CPS1: variants seen among roughly 807,000 people sequenced by gnomAD.
The protein encoded by CPS1 is carbamoyl-phosphate synthase [ammonia], mitochondrial.
CPS1 carries 109 observed loss-of-function variants against 174.6 expected under a neutral mutation model. That is an observed-to-expected ratio of 0.62 (90% CI 0.53 to 0.73). The LOEUF (loss-of-function observed/expected upper bound fraction) is 0.73. CPS1 is among the 30% of genes least tolerant of loss of function. The pLI, the probability that CPS1 is intolerant of heterozygous loss-of-function variation, is 0.00. For missense variants in CPS1, 1,689 were observed against 1,821.9 expected, an observed-to-expected ratio of 0.93 and a Z score of 1.33; for synonymous variants, 637 against 632.0, an observed-to-expected ratio of 1.01 and a Z score of -0.12.
intron 1 of CPS1, among the ~76,000 whole-genome samples, chr2:210,522,179 T>G (rs1695844593): frequency 6.6e-6 from 1 of 152,010 alleles, no homozygotes; most frequent in African/African-American, 2.4e-5. Context: ...GGAGACCATC[T>G]GCAGATCACC....
intron 29 of CPS1, among the ~76,000 whole-genome samples, chr2:210,654,960 A>G (rs550610292): frequency 6.6e-6 from 1 of 152,088 alleles, no homozygotes; most frequent in East Asian, 1.9e-4. Flanking sequence ...CCAGCCCTCC[A>G]CCCTCCAAGT....
At chr2:210,511,374 G>A (rs1432579323) in intron 1 of CPS1, among the ~76,000 whole-genome samples, 1 of 151,982 alleles carries the variant, frequency 6.6e-6, no homozygotes, top group Non-Finnish European at 1.5e-5. Context: ...CACACTTGGG[G>A]CCTGTTGTGG....
intron 1 of CPS1, among the ~76,000 whole-genome samples, chr2:210,508,114 C>A (rs1402247776): frequency 6.6e-6 from 1 of 150,530 alleles, no homozygotes; most frequent in Non-Finnish European, 1.5e-5. Context: ...CCAAAATTGA[C>A]CACATAGTTG....
At chr2:210,511,255 A>G (rs983965514) in intron 1 of CPS1, among the ~76,000 whole-genome samples, 1 of 152,166 alleles carries the variant, frequency 6.6e-6, no homozygotes, top group Non-Finnish European at 1.5e-5. Flanking sequence ...GCTGGAAACC[A>G]TCATTCTCAG....
chr2:210,485,670 C>T (rs1484844486), intron 1 of CPS1, among the ~76,000 whole-genome samples: 4 of 152,014 alleles, frequency 2.6e-5, no homozygotes, highest in Admixed American at 2.6e-4. Context: ...ATGTATTTCT[C>T]CATTCATCTG....
intron 18 of CPS1, among the ~76,000 whole-genome samples, 172 bp downstream of exon 18, chr2:210,607,113 C>T (rs1698942082): frequency 6.6e-6 from 1 of 151,842 alleles, no homozygotes; most frequent in East Asian, 1.9e-4. Context: ...GAGCTTGTTG[C>T]CAGATTGAGG....
intron 6 of CPS1, among the ~76,000 whole-genome samples, chr2:210,584,083 T>G (rs1430899144): frequency 2.6e-5 from 4 of 152,108 alleles, no homozygotes; most frequent in African/African-American, 9.7e-5. Context: ...GCTATGAAAT[T>G]TTTTTAAAGA....
At chr2:210,494,947 T>C (rs1426304604) in intron 1 of CPS1, among the ~76,000 whole-genome samples, 2 of 152,204 alleles carry the variant, frequency 1.3e-5, no homozygotes, top group Admixed American at 1.3e-4. Context: ...CTGCACATTA[T>C]AATAACCTAG....
At chr2:210,608,300 T>G in intron 18 of CPS1, 61 bp from the exon 19 acceptor site, 2 of 1,476,198 alleles carry the variant, frequency 1.4e-6, no homozygotes, top group Non-Finnish European at 1.9e-6. Flanking sequence ...CCAATTTATG[T>G]TTTGGTCTGT....
intron 25 of CPS1, among the ~76,000 whole-genome samples, chr2:210,646,969 G>A (rs149195254): frequency 1.6e-3 from 246 of 152,132 alleles, no homozygotes; most frequent in African/African-American, 5.7e-3. Context: ...ACTGCTAATA[G>A]GAGATTTGGA....
chr2:210,599,342 T>A, intron 13 of CPS1, 30 bp from the exon 14 acceptor site: 1 of 1,600,562 alleles, frequency 6.2e-7, no homozygotes, highest in East Asian at 2.2e-5. Context: ...GACCATATAT[T>A]CATGTACTGG....
intron 6 of CPS1, among the ~76,000 whole-genome samples, chr2:210,584,815 A>G (rs933044425): frequency 6.6e-6 from 1 of 151,986 alleles, no homozygotes; most frequent in South Asian, 2.1e-4. Flanking sequence ...AAAAAGCTCA[A>G]TTTCTAGATT....
upstream of CPS1, chr2:210,555,631 T>G (rs927304722): frequency 2.2e-6 from 1 of 455,566 alleles, no homozygotes; most frequent in African/African-American, 2.0e-5. Flanking sequence ...TTCTGTCATC[T>G]TTTCTGTTAT....
At chr2:210,630,594 A>G (rs1160999945) in intron 21 of CPS1, among the ~76,000 whole-genome samples, 2 of 152,214 alleles carry the variant, frequency 1.3e-5, no homozygotes, top group African/African-American at 4.8e-5. Flanking sequence ...CAAGAAATAT[A>G]AAGATTCAAG....
chr2:210,672,808 T>G (rs1041869796), intron 34 of CPS1: 8 of 152,320 alleles, frequency 5.3e-5, no homozygotes, highest in Middle Eastern at 3.4e-3. Flanking sequence ...TCAGCTGAAA[T>G]TCATCCAGTT....
intron 22 of CPS1, among the ~76,000 whole-genome samples, chr2:210,638,792 C>CGTATAG (rs1700117545): frequency 6.6e-6 from 1 of 152,168 alleles, no homozygotes. Flanking sequence ...GAGATCCTTA[C>CGTATAG]GTATAGGTCA....
chr2:210,573,321 G>A lies in CPS1; in HGVS notation c.150G>A (p.Leu50=), dbSNP rs182538050. ...AGGCACAGACAGCACACATTGTCCTGGAAGATGGAACTAAGATGAAAGGTT... is the reference window on the plus strand; with the variant it reads ...AGGCACAGACAGCACACATTGTCCTAGAAGATGGAACTAAGATGAAAGGTT... ...SVKAQTAHIV[L]EDGTKMKGYS... is the part of the protein sequence containing the mutation. The change falls in exon 2 of 38, where the codon CTG becomes CTA. Residue 50 remains leucine, a synonymous_variant. Coordinates refer to ENST00000233072, the MANE Select transcript of CPS1 (RefSeq NM_001875.5). 1 of 1,613,120 alleles carries A rather than the reference G, an allele frequency of 6.2e-7. No individual in the cohort carries two copies. Among genetic ancestry groups the A allele is most frequent in the East Asian group, 2.2e-5 (1 of 44,870 alleles).
upstream of CPS1, among the ~76,000 whole-genome samples, chr2:210,552,092 A>G (rs1039367978): frequency 6.6e-6 from 1 of 151,980 alleles, no homozygotes; most frequent in African/African-American, 2.4e-5. Flanking sequence ...TAAAAATCAT[A>G]GAACTGAACC....
rs2105852499 is a variant in CPS1 at position 210,608,365 on chromosome 2, C to G, written c.2197C>G (p.Pro733Ala). Residue 733 changes from proline (P) to alanine (A), a missense_variant, in exon 19 of 38, where the codon CCA becomes GCA. Coordinates refer to ENST00000233072, the MANE Select transcript of CPS1 (RefSeq NM_001875.5). The stretch of plus-strand genomic sequence containing the variant: ...AAATTTGTCTTCTTTTTATAGCTAC[C>G]CATTGGCATTCATTGCTGCAAAGAT... ...SALASKATGY[P>A]LAFIAAKIAL... 1 of 1,611,738 alleles carries G rather than the reference C, an allele frequency of 6.2e-7. No individual in the cohort carries two copies. Among genetic ancestry groups the G allele is most frequent in the East Asian group, 2.2e-5 (1 of 44,796 alleles).
Sources: gnomAD v4.1 joint callset for allele counts (sites outside exome capture counted in the v4.1 genomes callset) on GRCh38, gnomAD v4.1.1 for gene constraint, MANE v1.5 for transcripts, NCBI Gene and HGNC (gene_info 2026-07-23, HGNC 2026-07-21) for gene names.